MCTP1: variants seen among roughly 807,000 people sequenced by gnomAD.
MCTP1 encodes the protein multiple C2 and transmembrane domain containing 1, also known as multiple C2 and transmembrane domain-containing protein 1.
A neutral mutation model predicts 120.6 loss-of-function variants in MCTP1; 69 were observed. The ratio of observed to expected loss-of-function variants is 0.57; its 90% CI spans 0.47 to 0.70. MCTP1 has a LOEUF of 0.70. MCTP1 is among the 30% of genes least tolerant of loss of function. The pLI, the probability that MCTP1 is intolerant of heterozygous loss-of-function variation, is 0.00. For missense variants in MCTP1, 1,203 were observed against 1,248.8 expected (o/e 0.96, Z 0.55); for synonymous variants, 529 against 493.1 (o/e 1.07, Z -0.96).
chr5:94,729,874 G>A (rs1252549908), intron 19 of MCTP1, among the ~76,000 whole-genome samples: 2 of 152,190 alleles, frequency 1.3e-5, no homozygotes, highest in African/African-American at 4.8e-5. Flanking sequence ...GTTTTAAACA[G>A]AGGAAGAACA....
At chr5:94,892,188 A>G (rs115688648) in intron 11 of MCTP1, among the ~76,000 whole-genome samples, 192 of 152,208 alleles carry the variant, frequency 1.3e-3, no homozygotes, top group Non-Finnish European at 1.6e-3. Context: ...TATGGAGAAA[A>G]TTAATGTCAC....
In MCTP1 at chr5:95,206,186, G is replaced by A. The variant is rs543757369; in HGVS notation, c.720+77670C>T. 1.5e-4 allele frequency among the ~76,000 whole-genome samples: 23 copies of A among 152,208 alleles called. No homozygotes were observed. The South Asian group carries it at 4.8e-3, about 32-fold the overall frequency. On this transcript the variant is annotated intron_variant, in intron 1 of 22. Transcript: ENST00000515393. ...TATATTCATATAAGGAATATTATTT[G>A]GCAATAAAAATTAATGAAGTACTAA...
chr5:94,967,354 G>C (rs191700464), intron 2 of MCTP1, among the ~76,000 whole-genome samples: 1 of 152,208 alleles, frequency 6.6e-6, no homozygotes, highest in East Asian at 1.9e-4. Context: ...CACACACCAC[G>C]TAACAAGCCA....
chr5:95,219,644 C>T (rs1334351869), intron 1 of MCTP1, among the ~76,000 whole-genome samples: 1 of 152,154 alleles, frequency 6.6e-6, no homozygotes, highest in Admixed American at 6.5e-5. Flanking sequence ...GAGCCATCCC[C>T]AGGAGACACA....
chr5:95,257,796 T>TACACACATACACAC (rs56080673), intron 1 of MCTP1, among the ~76,000 whole-genome samples: 2,053 of 125,366 alleles, frequency 0.016, 43 homozygotes, highest in East Asian at 0.05. Context: ...CCAGAAAACA[T>TACACACATACACAC]ACACACACAC....
At chr5:94,849,528 T>A (rs953415884) in intron 17 of MCTP1, among the ~76,000 whole-genome samples, 2 of 152,136 alleles carry the variant, frequency 1.3e-5, no homozygotes, top group Admixed American at 6.6e-5. Context: ...TGCCTCCATC[T>A]CTGTCTCACA....
intron 1 of MCTP1, among the ~76,000 whole-genome samples, chr5:95,110,785 T>G (rs767822262): frequency 3.3e-5 from 5 of 152,164 alleles, no homozygotes; most frequent in Non-Finnish European, 5.9e-5. Flanking sequence ...CAGAAGTTCT[T>G]ACGGCCAATC....
chr5:94,861,671 C>T (rs947893118), intron 17 of MCTP1, among the ~76,000 whole-genome samples: 1 of 151,690 alleles, frequency 6.6e-6, no homozygotes, highest in Non-Finnish European at 1.5e-5. Context: ...GCATGTCTGT[C>T]CTTTACGATT....
intron 17 of MCTP1, among the ~76,000 whole-genome samples, chr5:94,810,624 T>C (rs527270269): frequency 4.6e-5 from 7 of 152,336 alleles, no homozygotes; most frequent in African/African-American, 1.7e-4. Context: ...TGAACAGGAA[T>C]GCCTTTAGAA....
At chr5:95,264,771 A>C (rs1471420732) in intron 1 of MCTP1, among the ~76,000 whole-genome samples, 1 of 152,200 alleles carries the variant, frequency 6.6e-6, no homozygotes, top group Non-Finnish European at 1.5e-5. Flanking sequence ...TCCCACAGGC[A>C]GGCACAGCTG....
chr5:95,258,726 CATTAAAAATGCTTATCAAA>C (rs1343417895), intron 1 of MCTP1, among the ~76,000 whole-genome samples: 10 of 152,148 alleles, frequency 6.6e-5, no homozygotes, highest in Non-Finnish European at 1.2e-4. Context: ...AATAAAAGTT[CATTAAAAATGCTTATCAAA>C]ATATTTTGAA....
At chr5:94,988,965 A>G (rs1460641873) in intron 2 of MCTP1, among the ~76,000 whole-genome samples, 1 of 152,190 alleles carries the variant, frequency 6.6e-6, no homozygotes, top group African/African-American at 2.4e-5. Flanking sequence ...AACCACCCCC[A>G]TGATTCAACT....
At chr5:95,257,552 T>C (rs1758018378) in intron 1 of MCTP1, among the ~76,000 whole-genome samples, 1 of 152,130 alleles carries the variant, frequency 6.6e-6, no homozygotes, top group Admixed American at 6.6e-5. Context: ...TCACAGTTTG[T>C]CCAATTTTGT....
chr5:94,909,835 A>G (rs550809808), intron 9 of MCTP1, among the ~76,000 whole-genome samples: 1 of 152,066 alleles, frequency 6.6e-6, no homozygotes, highest in East Asian at 1.9e-4. Flanking sequence ...TCCTGACTTG[A>G]GTACATGAAA....
At chr5:94,978,719 T>G (rs1407695482) in intron 2 of MCTP1, among the ~76,000 whole-genome samples, 2 of 152,094 alleles carry the variant, frequency 1.3e-5, no homozygotes, top group Non-Finnish European at 2.9e-5. Flanking sequence ...ATGGGGTGTT[T>G]CCAGTCAATG....
At position 94,917,902 on chromosome 5, in the gene MCTP1, A is replaced by G; in HGVS notation, c.1344T>C (p.Asn448=). The G allele has an allele frequency of 6.2e-7, 1 of 1,613,534 alleles. No homozygotes were observed. Among genetic ancestry groups the G allele is most frequent in the South Asian group, 1.1e-5 (1 of 91,068 alleles). Residue 448 remains asparagine, a synonymous_variant, in exon 8 of 23, where the codon AAT becomes AAC. Transcript: ENST00000515393. ...RAELQNPYCK[N]VQFQTQSLRL... ...ACTGAATGGTTGAACTTACTTGTACATTTTTGCAATAAGGATTCTGAAGCT... is the reference window on the plus strand; with the variant it reads ...ACTGAATGGTTGAACTTACTTGTACGTTTTTGCAATAAGGATTCTGAAGCT...
At chr5:94,997,036 C>G (rs1175188773) in intron 2 of MCTP1, among the ~76,000 whole-genome samples, 5 of 152,076 alleles carry the variant, frequency 3.3e-5, no homozygotes, top group African/African-American at 1.2e-4. Flanking sequence ...AGAAAATGAG[C>G]TAAGGTACTC....
At chr5:95,225,392 C>G (rs943427051) in intron 1 of MCTP1, among the ~76,000 whole-genome samples, 7 of 152,164 alleles carry the variant, frequency 4.6e-5, no homozygotes, top group Admixed American at 4.6e-4. Flanking sequence ...TTGGACATCT[C>G]CCAACTCCAG....
At chr5:94,894,982 T>G (rs1459036263) in intron 10 of MCTP1, 147 bp from the exon 11 acceptor site, 1 of 545,486 alleles carries the variant, frequency 1.8e-6, no homozygotes, top group African/African-American at 1.9e-5. Flanking sequence ...GCTGACTTTC[T>G]TCACAAAATT....
Sources: allele counts gnomAD v4.1 joint callset (sites outside exome capture counted in the v4.1 genomes callset), GRCh38; gene constraint gnomAD v4.1.1; transcripts MANE v1.5; gene names NCBI Gene and HGNC (gene_info 2026-07-23, HGNC 2026-07-21).